PTBP3: variants seen among roughly 807,000 people sequenced by gnomAD.
PTBP3 encodes polypyrimidine tract-binding protein 3.
Under a neutral mutation model 58.7 loss-of-function variants are expected in PTBP3, and 20 were observed. The observed-to-expected ratio is 0.34, with a 90% CI of 0.24 to 0.50. The LOEUF (loss-of-function observed/expected upper bound fraction) is 0.50, where lower values mean the gene tolerates loss of function less well. PTBP3 is among the 20% of genes least tolerant of loss of function. The probability of loss-of-function intolerance (pLI) is 0.98; values close to 1 mark genes in which losing one functional copy is unlikely to be tolerated. For missense variants in PTBP3, 509 were observed against 637.2 expected (o/e 0.80, Z 2.17); for synonymous variants, 185 against 219.8 (o/e 0.84, Z 1.40).
In PTBP3 at chr9:112,251,058, T is replaced by A; in HGVS notation, c.673A>T (p.Ile225Phe). 6.2e-7 allele frequency: 1 copy of A among 1,611,894 alleles called. No homozygotes were observed. Among genetic ancestry groups the A allele is most frequent in the Non-Finnish European group, 8.5e-7 (1 of 1,178,868 alleles). ...NIYNACCTLR[I>F]DFSKLTSLNV... ...AGGCTGGTGAGCTTGGAGAAGTCAATGCGCAGAGTGCAGCATGCATTATAG... is the reference window on the plus strand; with the variant it reads ...AGGCTGGTGAGCTTGGAGAAGTCAAAGCGCAGAGTGCAGCATGCATTATAG... The change falls in exon 7 of 14, where the codon ATT becomes TTT. Residue 225 changes from isoleucine to phenylalanine, a missense_variant. Around this residue, in one of 4 missense-constraint regions of PTBP3, gnomAD observed 41 missense variants for 78.0 expected, o/e 0.53. Transcript: ENST00000374257.
chr9:112,267,168 C>CTTT (rs59575179), intron 4 of PTBP3, among the ~76,000 whole-genome samples: 201 of 137,600 alleles, frequency 1.5e-3, no homozygotes, highest in African/African-American at 5.3e-3. Context: ...AACCCACTTT[C>CTTT]TTTTTTTTTT....
intron 2 of PTBP3, among the ~76,000 whole-genome samples, chr9:112,285,878 C>T (rs796869758): frequency 7.2e-5 from 11 of 152,294 alleles, no homozygotes; most frequent in African/African-American, 2.6e-4. Flanking sequence ...TTTCTGTCTA[C>T]TATACCATCA....
chr9:112,345,282 G>A, the PTBP3 span, among the ~76,000 whole-genome samples: 7 of 140,832 alleles, frequency 5.0e-5, no homozygotes, highest in African/African-American at 5.3e-5. Context: ...AGGTGACAGC[G>A]AGTTGTGATT....
chr9:112,338,743 G>T, the PTBP3 span, among the ~76,000 whole-genome samples: 1 of 152,206 alleles, frequency 6.6e-6, no homozygotes, highest in Admixed American at 6.5e-5. Context: ...GAGGCGGCAT[G>T]TAAGTGTCTC....
intron 3 of PTBP3, among the ~76,000 whole-genome samples, chr9:112,274,880 A>T (rs529176466): frequency 6.6e-6 from 1 of 152,350 alleles, no homozygotes; most frequent in Admixed American, 6.5e-5. Flanking sequence ...TATCTGAATC[A>T]GCACAATAAG....
chr9:112,233,623 C>T (rs1488145522), intron 8 of PTBP3, among the ~76,000 whole-genome samples: 1 of 151,946 alleles, frequency 6.6e-6, no homozygotes, highest in Non-Finnish European at 1.5e-5. Flanking sequence ...TAACTCCATC[C>T]TCTCCATCAA....
chr9:112,372,531 C>T, the PTBP3 span, among the ~76,000 whole-genome samples: 1 of 152,110 alleles, frequency 6.6e-6, no homozygotes, highest in East Asian at 1.9e-4. Context: ...CACCCCAAAA[C>T]GAAACTCCAT....
chr9:112,221,519 A>G lies in PTBP3; in HGVS notation c.*2332T>C. 1.0e-6 allele frequency: 1 copy of G among 985,774 alleles called. No homozygotes were observed. Among genetic ancestry groups the G allele is most frequent in the South Asian group, 4.7e-5 (1 of 21,288 alleles). 61.1% of individuals were successfully genotyped at this position (985,774 alleles called of 1,614,324 possible). On this transcript the variant is annotated 3_prime_UTR_variant, in exon 14 of 14. Coordinates refer to ENST00000374257, the MANE Select transcript of PTBP3 (RefSeq NM_001163788.4). ...AATAATCCAATTTAACATGGCACTG[A>G]AAATTATAATAGTGCCTGTGTGGAA...
intron 3 of PTBP3, among the ~76,000 whole-genome samples, chr9:112,268,732 A>AT (rs1564420335): frequency 4.7e-5 from 7 of 148,682 alleles, no homozygotes; most frequent in East Asian, 2.0e-4. Context: ...AAAAAAAAAA[A>AT]AAAGGATTTA....
intron 6 of PTBP3, 176 bp downstream of exon 6, chr9:112,252,497 AGTAGT>A: frequency 1.7e-6 from 1 of 573,052 alleles, no homozygotes; most frequent in South Asian, 2.1e-5. Context: ...TTTCATATGA[AGTAGT>A]AATGATTTTT....
At chr9:112,231,336 A>G in intron 10 of PTBP3, 44 bp downstream of exon 10, 1 of 1,492,126 alleles carries the variant, frequency 6.7e-7, no homozygotes, top group East Asian at 2.3e-5. Context: ...AATGTGCTCA[A>G]TTCACACCTG....
the PTBP3 span, among the ~76,000 whole-genome samples, chr9:112,348,069 A>G: frequency 6.6e-6 from 1 of 152,164 alleles, no homozygotes; most frequent in South Asian, 2.1e-4. Context: ...TTTGTCATGG[A>G]GGGGAGGGAC....
At chr9:112,308,405 C>A (rs926760342) in intron 1 of PTBP3, among the ~76,000 whole-genome samples, 45 of 149,052 alleles carry the variant, frequency 3.0e-4, no homozygotes, top group South Asian at 1.3e-3. Context: ...GACATAAATT[C>A]TTTCTCCTGA....
At chr9:112,348,432 T>C in the PTBP3 span, among the ~76,000 whole-genome samples, 1 of 152,314 alleles carries the variant, frequency 6.6e-6, no homozygotes, top group South Asian at 2.1e-4. Flanking sequence ...TGGTATATGA[T>C]GACCTTTCTC....
intron 7 of PTBP3, among the ~76,000 whole-genome samples, chr9:112,244,499 C>T (rs962403477): frequency 1.3e-5 from 2 of 151,072 alleles, no homozygotes; most frequent in African/African-American, 4.9e-5. Context: ...TACAGAGGGA[C>T]CCTACCTCTA....
intron 7 of PTBP3, among the ~76,000 whole-genome samples, chr9:112,246,514 G>A (rs977991160): frequency 2.6e-5 from 4 of 151,668 alleles, no homozygotes; most frequent in African/African-American, 4.8e-5. Flanking sequence ...CTAACACGGT[G>A]AAAGTCCATC....
the PTBP3 span, among the ~76,000 whole-genome samples, chr9:112,358,726 T>A: frequency 2.6e-5 from 4 of 152,256 alleles, no homozygotes; most frequent in African/African-American, 9.6e-5. Context: ...AGAGTTCAAG[T>A]CCAGCCTGAA....
intron 7 of PTBP3, among the ~76,000 whole-genome samples, chr9:112,245,889 C>A (rs1421583887): frequency 6.6e-6 from 1 of 152,120 alleles, no homozygotes; most frequent in African/African-American, 2.4e-5. Flanking sequence ...TGAGTCCTTA[C>A]TGACATGAAA....
chr9:112,289,872 AT>A (rs1461282543), intron 2 of PTBP3, among the ~76,000 whole-genome samples: 2 of 152,182 alleles, frequency 1.3e-5, no homozygotes, highest in Non-Finnish European at 2.9e-5. Flanking sequence ...AACCCATATC[AT>A]TTTTATTTGT....
Sources: gnomAD v4.1 joint callset for allele counts (sites outside exome capture counted in the v4.1 genomes callset) on GRCh38, gnomAD v4.1.1 for gene constraint, gnomAD v4.1.1 regional missense constraint, MANE v1.5 for transcripts, NCBI Gene and HGNC (gene_info 2026-07-23, HGNC 2026-07-21) for gene names.